The following RAD51B variants were observed in gnomAD, a reference collection of about 807,000 sequenced individuals.
RAD51B encodes RAD51 paralog B.
In RAD51B, 38 loss-of-function variants were observed where a neutral mutation model predicts 42.2. That is an observed-to-expected ratio of 0.90 (90% CI 0.70 to 1.18). The LOEUF (loss-of-function observed/expected upper bound fraction) is 1.18. Ranked by LOEUF, RAD51B falls within the 50% of genes most tolerant of loss-of-function variation. The pLI, the probability that RAD51B is intolerant of heterozygous loss-of-function variation, is 0.00. For missense variants in RAD51B, 373 were observed against 400.7 expected (o/e 0.93, Z 0.59); for synonymous variants, 154 against 145.2 (o/e 1.06, Z -0.43).
chr14:68,196,793 A>G (rs1806014386), intron 7 of RAD51B, among the ~76,000 whole-genome samples: 2 of 152,170 alleles, frequency 1.3e-5, no homozygotes, highest in African/African-American at 4.8e-5. Context: ...ATAATCAGCA[A>G]ATATTCTTGG....
rs374655734 is a variant in RAD51B, at chr14:68,683,044, C to G, written c.*11+32188C>G. ...AAAGGACCCCAGTTGAGTAATCGCC[C>G]AAAATATGCCTGTTATTTTTTTCTG... On this transcript the variant is annotated intron_variant, in intron 11 of 11. Coordinates refer to the RAD51B transcript ENST00000488612. 2.9e-5 allele frequency: 21 copies of G among 720,692 alleles called. No individual in the cohort carries two copies. In the Admixed American group the frequency reaches 7.4e-4, roughly 26 times the overall value. The allele number at this position is 720,692 out of a possible 1,614,324, so 44.6% of individuals were successfully genotyped here.
exon 11 of RAD51B, chr14:68,594,756 C>T (rs868448470): frequency 7.9e-7 from 1 of 1,264,226 alleles, no homozygotes; most frequent in Non-Finnish European, 1.0e-6. Context: ...GCAATCTCAT[C>T]CAATGGCCAC....
chr14:68,631,457 A>G (rs1195579250), intron 10 of RAD51B, among the ~76,000 whole-genome samples: 2 of 152,042 alleles, frequency 1.3e-5, no homozygotes, highest in Non-Finnish European at 2.9e-5. Context: ...TGGCCTGGAG[A>G]TTGATCCCTT....
At chr14:68,578,797 G>T (rs568626028) in intron 10 of RAD51B, among the ~76,000 whole-genome samples, 1 of 152,332 alleles carries the variant, frequency 6.6e-6, no homozygotes, top group Non-Finnish European at 1.5e-5. Flanking sequence ...AGACAGAGAG[G>T]TGACAAGACA....
intron 7 of RAD51B, among the ~76,000 whole-genome samples, chr14:68,197,047 T>G (rs2079387420): frequency 6.6e-6 from 1 of 152,220 alleles, no homozygotes; most frequent in African/African-American, 2.4e-5. Context: ...CTCATGATAC[T>G]AACTCAAGGA....
intron 10 of RAD51B, among the ~76,000 whole-genome samples, chr14:68,581,807 GATACATAGACAA>G (rs1890220567): frequency 6.6e-6 from 1 of 152,140 alleles, no homozygotes; most frequent in African/African-American, 2.4e-5. Flanking sequence ...TACCAAAACA[GATACATAGACAA>G]ATGGAACAGA....
chr14:67,926,582 T>TTG (rs34503619), intron 7 of RAD51B, among the ~76,000 whole-genome samples: 1 of 138,588 alleles, frequency 7.2e-6, no homozygotes, highest in Non-Finnish European at 1.5e-5. Context: ...TTTTTTTTTT[T>TTG]GAGACTGAGT....
chr14:68,479,688 T>TTTTTTTTTTTTTTG (rs34627518), downstream of RAD51B, among the ~76,000 whole-genome samples: 11 of 137,074 alleles, frequency 8.0e-5, no homozygotes, highest in African/African-American at 2.6e-4. Context: ...TTTTTTTTTT[T>TTTTTTTTTTTTTTG]GCCAGAGTCT....
chr14:67,877,528 C>T (rs1043792821), intron 5 of RAD51B, among the ~76,000 whole-genome samples: 2 of 152,064 alleles, frequency 1.3e-5, no homozygotes, highest in African/African-American at 2.4e-5. Flanking sequence ...TCCCATTGGG[C>T]TTCTAGTCTT....
At chr14:68,657,620 T>G (rs1892843725) in intron 11 of RAD51B, among the ~76,000 whole-genome samples, 1 of 152,248 alleles carries the variant, frequency 6.6e-6, no homozygotes, top group Non-Finnish European at 1.5e-5. Context: ...GTCTGGTGGC[T>G]TCAGGCATCT....
At chr14:68,288,731 G>C (rs1942359257) in intron 7 of RAD51B, among the ~76,000 whole-genome samples, 2 of 152,162 alleles carry the variant, frequency 1.3e-5, no homozygotes, top group Admixed American at 6.5e-5. Context: ...TTTCCCCCAT[G>C]TATATGGTGA....
At chr14:68,083,044 C>A (rs935924606) in intron 7 of RAD51B, among the ~76,000 whole-genome samples, 2 of 152,162 alleles carry the variant, frequency 1.3e-5, no homozygotes, top group African/African-American at 2.4e-5. Flanking sequence ...TAGAGAGTTT[C>A]AACTTTTAAC....
At chr14:68,573,177 C>T (rs1889796451) in intron 10 of RAD51B, among the ~76,000 whole-genome samples, 1 of 152,164 alleles carries the variant, frequency 6.6e-6, no homozygotes, top group South Asian at 2.1e-4. Flanking sequence ...CAGCAGTTCT[C>T]ACCTCACTCA....
At chr14:68,512,372 A>C (rs1006824930) in intron 10 of RAD51B, among the ~76,000 whole-genome samples, 2 of 152,236 alleles carry the variant, frequency 1.3e-5, no homozygotes, top group Non-Finnish European at 2.9e-5. Flanking sequence ...TTTGCTTGTC[A>C]GTCCTTTGCT....
chr14:68,603,371 A>G (rs1480238390), intron 10 of RAD51B, among the ~76,000 whole-genome samples: 3 of 152,190 alleles, frequency 2.0e-5, no homozygotes. Context: ...AAGGGTGGAA[A>G]TAGCTCAGAA....
intron 7 of RAD51B, among the ~76,000 whole-genome samples, chr14:68,241,590 A>G (rs2080389205): frequency 6.6e-6 from 1 of 152,188 alleles, no homozygotes; most frequent in African/African-American, 2.4e-5. Flanking sequence ...TCATGATAAA[A>G]TATTTCGCTT....
chr14:68,340,713 T>G (rs968949827), intron 8 of RAD51B, among the ~76,000 whole-genome samples: 7 of 152,262 alleles, frequency 4.6e-5, no homozygotes, highest in African/African-American at 1.7e-4. Context: ...CTTTTGTCAG[T>G]TGATTTTCAG....
intron 7 of RAD51B, among the ~76,000 whole-genome samples, chr14:68,076,963 T>C (rs2076843606): frequency 6.6e-6 from 1 of 152,202 alleles, no homozygotes; most frequent in Non-Finnish European, 1.5e-5. Context: ...TAGCTTCCAG[T>C]TGACAGTCTA....
At chr14:68,589,852 C>A (rs998590219) in intron 10 of RAD51B, among the ~76,000 whole-genome samples, 19 of 152,090 alleles carry the variant, frequency 1.2e-4, no homozygotes, top group Non-Finnish European at 2.6e-4. Flanking sequence ...GGCTTTTTCC[C>A]CCCCATTTTC....
Sources: gnomAD v4.1 joint callset for allele counts (sites outside exome capture counted in the v4.1 genomes callset) on GRCh38, gnomAD v4.1.1 for gene constraint, MANE v1.5 for transcripts, NCBI Gene and HGNC (gene_info 2026-07-23, HGNC 2026-07-21) for gene names.